Variants in AASDH observed in about 807,000 individuals in gnomAD.
AASDH encodes the protein beta-alanine-activating enzyme.
In AASDH, 81 loss-of-function variants were observed where a neutral mutation model predicts 102.3. The ratio of observed to expected loss-of-function variants is 0.79; its 90% CI spans 0.66 to 0.95. The LOEUF (loss-of-function observed/expected upper bound fraction) is 0.95, where lower values mean the gene tolerates loss of function less well. AASDH is among the 40% of genes least tolerant of loss of function. The pLI is 0.00. For synonymous variants in AASDH, 398 were observed against 454.0 expected, an observed-to-expected ratio of 0.88 and a Z score of 1.57; for missense variants, 1,203 against 1,266.2, an observed-to-expected ratio of 0.95 and a Z score of 0.76.
chr4:56,379,565 A>G (rs1313020889), intron 3 of AASDH, among the ~76,000 whole-genome samples: 1 of 152,156 alleles, frequency 6.6e-6, no homozygotes, highest in African/African-American at 2.4e-5. Context: ...GTAAAAAGAT[A>G]AATAAATCTC....
chr4:56,379,395 G>A (rs1752718569), intron 3 of AASDH, among the ~76,000 whole-genome samples: 1 of 152,136 alleles, frequency 6.6e-6, no homozygotes. Flanking sequence ...GTCTCCTAAA[G>A]TGCTGGGATT....
intron 5 of AASDH, among the ~76,000 whole-genome samples, chr4:56,364,548 A>T (rs1228047063): frequency 6.6e-6 from 1 of 152,244 alleles, no homozygotes; most frequent in African/African-American, 2.4e-5. Flanking sequence ...GCCAGAAGAG[A>T]GTGGGAGCCA....
chr4:56,382,171 C>G (rs184279888), intron 3 of AASDH: 1 of 268,672 alleles, frequency 3.7e-6, no homozygotes, highest in African/African-American at 2.3e-5. Context: ...TAGTGGCTCA[C>G]AATGGAGTGT....
intron 3 of AASDH, 177 bp downstream of exon 3, chr4:56,382,300 T>A: frequency 3.5e-6 from 2 of 573,052 alleles, no homozygotes; most frequent in Non-Finnish European, 5.7e-6. Flanking sequence ...CTAAATATCC[T>A]ATAATATACG....
At chr4:56,346,962 G>C (rs1211051436) in intron 11 of AASDH, among the ~76,000 whole-genome samples, 1 of 151,656 alleles carries the variant, frequency 6.6e-6, no homozygotes, top group African/African-American at 2.4e-5. Context: ...CATCACCTGA[G>C]CCCAGGAGTT....
At chr4:56,370,232 G>A (rs1020369323) in intron 5 of AASDH, among the ~76,000 whole-genome samples, 13 of 149,592 alleles carry the variant, frequency 8.7e-5, no homozygotes, top group Middle Eastern at 7.4e-3. Flanking sequence ...GTGTGGTGGC[G>A]GGTGCCTGTA....
At chr4:56,364,145 A>C (rs1457983484) in intron 5 of AASDH, among the ~76,000 whole-genome samples, 1 of 152,190 alleles carries the variant, frequency 6.6e-6, no homozygotes, top group Non-Finnish European at 1.5e-5. Context: ...GAATGAAATG[A>C]AGTGAGAAGG....
intron 9 of AASDH, among the ~76,000 whole-genome samples, chr4:56,352,522 T>A (rs1159790334): frequency 2.0e-5 from 3 of 152,144 alleles, no homozygotes; most frequent in Non-Finnish European, 4.4e-5. Flanking sequence ...GCCTTCCAAG[T>A]AGCTGGGACT....
intron 14 of AASDH, among the ~76,000 whole-genome samples, chr4:56,341,337 C>A (rs1490618134): frequency 2.0e-5 from 3 of 150,262 alleles, no homozygotes; most frequent in Non-Finnish European, 4.4e-5. Flanking sequence ...GCCATAAAAA[C>A]CAAGGAAATC....
At chr4:56,365,368 C>T (rs1036021611) in intron 5 of AASDH, among the ~76,000 whole-genome samples, 1 of 151,878 alleles carries the variant, frequency 6.6e-6, no homozygotes, top group Non-Finnish European at 1.5e-5. Flanking sequence ...ACCAAGCGGA[C>T]CTAACAGACA....
intron 5 of AASDH, among the ~76,000 whole-genome samples, chr4:56,368,019 C>G (rs1195145145): frequency 6.6e-6 from 1 of 152,026 alleles, no homozygotes; most frequent in East Asian, 1.9e-4. Context: ...AACAAATTTA[C>G]AAGAAAAAAA....
intron 5 of AASDH, chr4:56,356,080 T>C (rs1258169291): frequency 1.7e-6 from 1 of 588,976 alleles, no homozygotes; most frequent in South Asian, 2.2e-5. Context: ...GTATAAAAAG[T>C]ATACAAAAGG....
intron 14 of AASDH, among the ~76,000 whole-genome samples, chr4:56,341,623 G>C (rs561971991): frequency 1.3e-5 from 2 of 148,308 alleles, no homozygotes; most frequent in East Asian, 2.0e-4. Context: ...GGATGGTCTC[G>C]ATCTCCTGAC....
intron 2 of AASDH, 93 bp from the exon 3 acceptor site, chr4:56,382,690 T>C (rs77837182): frequency 0.028 from 40,181 of 1,425,664 alleles, 691 homozygotes; most frequent in South Asian, 0.044. Context: ...ATTTATTTTT[T>C]GTAGCAGCAT....
chr4:56,345,316 T>C, intron 11 of AASDH, 26 bp from the exon 12 acceptor site: 1 of 1,595,480 alleles, frequency 6.3e-7, no homozygotes, highest in Non-Finnish European at 8.6e-7. Flanking sequence ...GCACAAAAGA[T>C]TTGATATAGA....
At chr4:56,340,155 C>G (rs1227815919) in intron 14 of AASDH, among the ~76,000 whole-genome samples, 3 of 152,072 alleles carry the variant, frequency 2.0e-5, no homozygotes, top group Non-Finnish European at 4.4e-5. Context: ...GGCAACAGAA[C>G]AAGATTCCAT....
At chr4:56,352,148 T>C (rs1434155794) in intron 9 of AASDH, among the ~76,000 whole-genome samples, 3 of 152,104 alleles carry the variant, frequency 2.0e-5, no homozygotes, top group African/African-American at 7.2e-5. Flanking sequence ...AAAAATAAAA[T>C]TAAAATAAAA....
chr4:56,368,264 G>C (rs866617183), intron 5 of AASDH, among the ~76,000 whole-genome samples: 2,433 of 152,256 alleles, frequency 0.016, 76 homozygotes, highest in African/African-American at 0.055. Context: ...CTTTTACACT[G>C]TTGGTGGGAC....
Position 56,349,985 on chromosome 4 carries a change from G to T in AASDH, c.1766C>A (p.Ser589Tyr). Residue 589 changes from serine (S) to tyrosine (Y), a missense_variant, in exon 11 of 15, where the codon TCC becomes TAC. Transcript: ENST00000205214. ...ACTGAGGAGCCGGATGGACTTTAAG[G>T]AATCTCCACCACTATTTAAGAAGAG... ...ESLFLNSGGDSLKSIRLLSEI... is the reference protein window; with the variant it reads ...ESLFLNSGGDYLKSIRLLSEI... 6.2e-7 allele frequency: 1 copy of T among 1,612,630 alleles called. No individual in the cohort carries two copies. The highest frequency in any genetic ancestry group is 1.1e-5 in the South Asian group (1 of 91,060).
Sources: gnomAD v4.1 joint callset for allele counts (sites outside exome capture counted in the v4.1 genomes callset) on GRCh38, gnomAD v4.1.1 for gene constraint, MANE v1.5 for transcripts, NCBI Gene and HGNC (gene_info 2026-07-23, HGNC 2026-07-21) for gene names.